Variants in COL26A1 observed in about 807,000 individuals in gnomAD.
COL26A1 encodes collagen alpha-1(XXVI) chain.
A neutral mutation model predicts 59.3 loss-of-function variants in COL26A1; 41 were observed. The observed-to-expected ratio is 0.69, with a 90% confidence interval of 0.54 to 0.90. COL26A1 has a LOEUF of 0.90. Ranked by LOEUF, COL26A1 falls within the 40% of genes least tolerant of loss-of-function variation. The probability of loss-of-function intolerance (pLI) is 0.00; values close to 1 mark genes in which losing one functional copy is unlikely to be tolerated. For missense variants in COL26A1, 612 were observed against 602.3 expected, an observed-to-expected ratio of 1.02 and a Z score of -0.17; for synonymous variants, 266 against 256.0, an observed-to-expected ratio of 1.04 and a Z score of -0.37.
At position 101,557,467 on chromosome 7, in the gene COL26A1, T is replaced by A; in HGVS notation, c.1263T>A (p.Leu421=). The part of the protein sequence containing the change: ...KRGGAQPDGV[L]AALLGPDPGQ... ...GTGGCGCCCAACCCGATGGGGTCCT[T>A]GCTGCCCTGCTTGGGCCCGACCCTG... Residue 421 remains leucine (L), a synonymous_variant, in exon 13 of 13, where the codon CTT becomes CTA. Transcript: ENST00000313669. 1 of 1,613,850 alleles carries A rather than the reference T, an allele frequency of 6.2e-7. No individual in the cohort carries two copies. The highest frequency in any genetic ancestry group is 8.5e-7 in the Non-Finnish European group (1 of 1,179,830).
Position 101,408,665 on chromosome 7 carries a change from T to C in COL26A1, c.159-11312T>C, listed in dbSNP as rs139042041. Among the ~76,000 whole-genome samples, 145 of 152,342 alleles carry C rather than the reference T, an allele frequency of 9.5e-4. 1 individual carries two copies. In the Middle Eastern group the frequency reaches 0.01, roughly 11 times the overall value. The stretch of plus-strand genomic sequence containing the variant: ...ACTCTGTTGACTCATGCTGAACTTA[T>C]TGTTGGCAAGAACCTCTACATCCCA... On this transcript the variant is annotated intron_variant, in intron 1 of 12. Coordinates refer to ENST00000313669, the MANE Select transcript of COL26A1 (RefSeq NM_001278563.3).
At chr7:101,411,702 G>C (rs1002358049) in intron 1 of COL26A1, among the ~76,000 whole-genome samples, 1 of 152,104 alleles carries the variant, frequency 6.6e-6, no homozygotes, top group Non-Finnish European at 1.5e-5. Context: ...GGACATGACG[G>C]TGTGTGACCA....
chr7:101,501,197 A>G (rs994906930), intron 3 of COL26A1, among the ~76,000 whole-genome samples: 10 of 143,884 alleles, frequency 7.0e-5, no homozygotes, highest in East Asian at 2.0e-4. Flanking sequence ...AAAAAAAAAA[A>G]AAAAGAAAAG....
At chr7:101,450,924 T>C (rs889419371) in intron 3 of COL26A1, among the ~76,000 whole-genome samples, 3 of 126,992 alleles carry the variant, frequency 2.4e-5, no homozygotes, top group African/African-American at 4.4e-5. Context: ...ATTCCAGTAA[T>C]ATATATTATC....
chr7:101,506,405 A>C (rs1794813305), intron 3 of COL26A1, among the ~76,000 whole-genome samples: 1 of 152,254 alleles, frequency 6.6e-6, no homozygotes, highest in Admixed American at 6.5e-5. Context: ...GGAAAGGAGC[A>C]TGTTTTGGCT....
chr7:101,383,627 C>T (rs1375280829), intron 1 of COL26A1, among the ~76,000 whole-genome samples: 1 of 152,002 alleles, frequency 6.6e-6, no homozygotes, highest in Admixed American at 6.6e-5. Context: ...CTCTGCCTCC[C>T]CGGTTCAAGC....
chr7:101,463,907 CTT>C (rs1230084309), intron 3 of COL26A1, among the ~76,000 whole-genome samples: 397 of 30,412 alleles, frequency 0.013, 6 homozygotes, highest in African/African-American at 0.042. Flanking sequence ...CTTTCTTTTT[CTT>C]TCTCTCTTTC....
chr7:101,489,768 T>TG (rs1304114688), intron 3 of COL26A1, among the ~76,000 whole-genome samples: 3 of 3,610 alleles, frequency 8.3e-4, no homozygotes, highest in East Asian at 3.4e-3. Flanking sequence ...CTTTCTTTCT[T>TG]TCTTTCTTTC....
rs554747131 is a variant in COL26A1, at chr7:101,401,757, GA to G, written c.159-18219del. On this transcript the variant is annotated intron_variant, in intron 1 of 12. Coordinates refer to ENST00000313669, the MANE Select transcript of COL26A1 (RefSeq NM_001278563.3). ...AGAGAAGGAGGAGGAAGAGGAGGAA[GA>G]GGAGGAGGGAGAAGAGGAGGAGGAG... Among the ~76,000 whole-genome samples, 565 of 135,662 alleles carry G rather than the reference GA, an allele frequency of 4.2e-3. 3 individuals carry two copies. The highest frequency in any genetic ancestry group is 0.016 in the African/African-American group (519 of 33,008). The allele number at this position is 135,662 out of a possible 152,430, so 89.0% of individuals were successfully genotyped here. A position where few individuals can be genotyped will look rare whatever the true frequency, so the allele number is the denominator to read the frequency against.
At chr7:101,429,877 A>G (rs1048385342) in intron 2 of COL26A1, among the ~76,000 whole-genome samples, 1 of 152,130 alleles carries the variant, frequency 6.6e-6, no homozygotes, top group African/African-American at 2.4e-5. Flanking sequence ...GGATTACAGG[A>G]GTAAGTCACC....
At chr7:101,478,329 G>A (rs931361004) in intron 3 of COL26A1, among the ~76,000 whole-genome samples, 4 of 152,168 alleles carry the variant, frequency 2.6e-5, no homozygotes, top group African/African-American at 7.2e-5. Flanking sequence ...CTTGAGGTGC[G>A]GTTTCGGGAG....
intron 3 of COL26A1, among the ~76,000 whole-genome samples, chr7:101,529,729 G>A (rs13238548): frequency 0.23 from 34,977 of 152,106 alleles, 4,170 homozygotes; most frequent in Middle Eastern, 0.31. Flanking sequence ...CTCCAGCTGC[G>A]TCCATGTTGC....
intron 4 of COL26A1, among the ~76,000 whole-genome samples, chr7:101,539,294 ATG>A (rs769498284): frequency 0.32 from 43,989 of 135,390 alleles, 9,002 homozygotes; most frequent in African/African-American, 0.61. Flanking sequence ...GTGTGTGTGT[ATG>A]TGTGTGTGTG....
At chr7:101,489,817 TC>T (rs1794391369) in intron 3 of COL26A1, among the ~76,000 whole-genome samples, 1 of 5,242 alleles carries the variant, frequency 1.9e-4, no homozygotes, top group Admixed American at 2.0e-3. Context: ...TTTCTTTCTT[TC>T]TTTCTTTCTT....
chr7:101,472,139 A>C (rs1352363452), intron 3 of COL26A1, among the ~76,000 whole-genome samples: 1 of 152,038 alleles, frequency 6.6e-6, no homozygotes, highest in Non-Finnish European at 1.5e-5. Flanking sequence ...CAAGTAGCTA[A>C]GACTATAGGC....
intron 3 of COL26A1, among the ~76,000 whole-genome samples, chr7:101,465,034 C>CTTTTTT (rs112899121): frequency 4.6e-5 from 6 of 130,030 alleles, no homozygotes; most frequent in Non-Finnish European, 4.9e-5. Flanking sequence ...TTCTTTCTTT[C>CTTTTTT]TTTTTTTTTT....
Position 101,546,024 on chromosome 7 carries a change from G to A in COL26A1, c.856+534G>A, listed in dbSNP as rs576842046. On this transcript the variant is annotated intron_variant, in intron 7 of 12. Transcript: ENST00000313669. ...CACAGCAATGTGCAAAACAAACTCC[G>A]GCCCTCGGGGGCACCGGCCAGTCCA... 1.2e-4 allele frequency among the ~76,000 whole-genome samples: 19 copies of A among 152,328 alleles called. No homozygotes were observed. The South Asian group carries it at 2.1e-3, about 17-fold the overall frequency.
chr7:101,459,499 G>A (rs757183587), intron 3 of COL26A1, among the ~76,000 whole-genome samples: 3 of 139,432 alleles, frequency 2.2e-5, no homozygotes, highest in Non-Finnish European at 4.5e-5. Flanking sequence ...TAGTAGAGAT[G>A]GGATTTCATC....
At chr7:101,523,953 A>ATATT (rs897512385) in intron 3 of COL26A1, among the ~76,000 whole-genome samples, 9 of 151,906 alleles carry the variant, frequency 5.9e-5, no homozygotes, top group South Asian at 2.1e-4. Flanking sequence ...GAATTTATAT[A>ATATT]TATTTATTTA....
Sources: gnomAD v4.1 joint callset for allele counts (sites outside exome capture counted in the v4.1 genomes callset) on GRCh38, gnomAD v4.1.1 for gene constraint, MANE v1.5 for transcripts, NCBI Gene and HGNC (gene_info 2026-07-23, HGNC 2026-07-21) for gene names.